Variants in CDH7 observed in about 807,000 individuals in gnomAD.
CDH7 encodes cadherin 7, also known as cadherin-7.
Under a neutral mutation model 71.8 loss-of-function variants are expected in CDH7, and 25 were observed. The observed-to-expected ratio is 0.35, with a 90% CI of 0.25 to 0.49. The LOEUF is 0.49. Ranked by LOEUF, CDH7 falls within the 20% of genes least tolerant of loss-of-function variation. CDH7 has a pLI of 0.99. For synonymous variants in CDH7, 381 were observed against 363.8 expected, an observed-to-expected ratio of 1.05 and a Z score of -0.54; for missense variants, 862 against 974.6, an observed-to-expected ratio of 0.88 and a Z score of 1.54.
At chr18:65,794,745 C>G (rs546865487) in intron 2 of CDH7, among the ~76,000 whole-genome samples, 228 of 152,140 alleles carry the variant, frequency 1.5e-3, no homozygotes, top group Admixed American at 4.1e-3. Flanking sequence ...TGGGCACACT[C>G]AGGGCGGTGT....
At chr18:65,836,636 A>G (rs1212765627) in intron 6 of CDH7, among the ~76,000 whole-genome samples, 1 of 152,016 alleles carries the variant, frequency 6.6e-6, no homozygotes, top group Non-Finnish European at 1.5e-5. Flanking sequence ...TGCAAGCTGC[A>G]AATGTTTGTT....
chr18:65,777,050 T>G (rs1412774571), intron 2 of CDH7, among the ~76,000 whole-genome samples: 1 of 152,140 alleles, frequency 6.6e-6, no homozygotes, highest in Non-Finnish European at 1.5e-5. Context: ...ATTGCCAGGC[T>G]TTTAGGAGCT....
chr18:65,863,629 T>G (rs1299699321), intron 11 of CDH7: 2 of 152,254 alleles, frequency 1.3e-5, no homozygotes, highest in Admixed American at 6.5e-5. Context: ...ATTCTACTTT[T>G]TAAAGAAATT....
Position 65,834,831 on chromosome 18 carries a change from A to G in CDH7, c.982-8981A>G, listed in dbSNP as rs552318504. ...TTATTTTGGTTCATTTTATCTGGAT[A>G]TGCTGCCATCACCTGACAAAAACTG... On this transcript the variant is annotated intron_variant, in intron 6 of 11. Coordinates refer to ENST00000397968, the MANE Select transcript of CDH7 (RefSeq NM_004361.5). 2.0e-5 allele frequency among the ~76,000 whole-genome samples: 3 copies of G among 152,328 alleles called. No individual in the cohort carries two copies. In the East Asian group the frequency reaches 5.8e-4, roughly 29 times the overall value.
At position 65,781,898 on chromosome 18, in the gene CDH7, C is replaced by CTCTTTCTCTCTT. The variant is rs1431797468; in HGVS notation, c.210+18849_210+18850insTTCTCTCTTTCT. Among the ~76,000 whole-genome samples the CTCTTTCTCTCTT allele has an allele frequency of 2.6e-4, 15 of 58,580 alleles. 3 individuals are homozygous for CTCTTTCTCTCTT. Among genetic ancestry groups the CTCTTTCTCTCTT allele is most frequent in the African/African-American group, 1.5e-3 (15 of 9,860 alleles). 38.4% of individuals were successfully genotyped at this position (58,580 alleles called of 152,430 possible). On this transcript the variant is annotated intron_variant, in intron 2 of 11. Transcript: ENST00000397968. The stretch of plus-strand genomic sequence containing the variant: ...TCTCTCTGTCTCTCTCTCTCTTTCT[C>CTCTTTCTCTCTT]TCTATCTTTCTCTCTTTCTCTCTTT...
chr18:65,838,818 T>TA (rs1377920378), intron 6 of CDH7, among the ~76,000 whole-genome samples: 1 of 152,214 alleles, frequency 6.6e-6, no homozygotes, highest in Non-Finnish European at 1.5e-5. Flanking sequence ...TCATATTTTT[T>TA]AATCCAACAA....
chr18:65,833,290 A>G (rs906485073), intron 6 of CDH7, among the ~76,000 whole-genome samples: 12 of 152,148 alleles, frequency 7.9e-5, no homozygotes, highest in Non-Finnish European at 1.2e-4. Flanking sequence ...ATTACTTGTA[A>G]TATTGAGGTC....
chr18:65,788,155 C>T (rs910944600), intron 2 of CDH7, among the ~76,000 whole-genome samples: 2 of 152,156 alleles, frequency 1.3e-5, no homozygotes. Context: ...AGGTGAACAA[C>T]TTATTAAACT....
intron 6 of CDH7, among the ~76,000 whole-genome samples, chr18:65,825,503 T>C (rs533167485): frequency 6.6e-5 from 10 of 151,994 alleles, no homozygotes; most frequent in Admixed American, 6.6e-4. Flanking sequence ...TTTAGAGATA[T>C]GACTTTTTAC....
intron 6 of CDH7, among the ~76,000 whole-genome samples, chr18:65,830,468 A>G (rs1912297119): frequency 1.3e-5 from 2 of 152,076 alleles, no homozygotes; most frequent in Admixed American, 6.5e-5. Context: ...ATGAATATCA[A>G]TATTTATTCA....
At chr18:65,774,699 C>G (rs1909871953) in intron 2 of CDH7, among the ~76,000 whole-genome samples, 1 of 151,996 alleles carries the variant, frequency 6.6e-6, no homozygotes, top group South Asian at 2.1e-4. Context: ...CCAGGATAGT[C>G]TAGTCCAGTG....
At chr18:65,822,675 G>A (rs1911979559) in intron 5 of CDH7, among the ~76,000 whole-genome samples, 1 of 151,870 alleles carries the variant, frequency 6.6e-6, no homozygotes, top group Admixed American at 6.6e-5. Context: ...TTAAAAAAGA[G>A]TAATAAATGT....
intron 7 of CDH7, among the ~76,000 whole-genome samples, chr18:65,847,671 A>G (rs1568217422): frequency 6.6e-6 from 1 of 152,132 alleles, no homozygotes; most frequent in African/African-American, 2.4e-5. Context: ...GGGCACCTAT[A>G]TGACTATTGG....
In CDH7 at chr18:65,792,213, A is replaced by T. The variant is rs546617053; in HGVS notation, c.211-17491A>T. Among the ~76,000 whole-genome samples the T allele has an allele frequency of 1.7e-4, 21 of 124,166 alleles. No individual in the cohort carries two copies. In the South Asian group the frequency reaches 4.8e-3, roughly 29 times the overall value. 81.5% of individuals were successfully genotyped at this position (124,166 alleles called of 152,430 possible). A position where few individuals can be genotyped will look rare whatever the true frequency, so the allele number is the denominator to read the frequency against. On this transcript the variant is annotated intron_variant, in intron 2 of 11. Coordinates refer to ENST00000397968, the MANE Select transcript of CDH7 (RefSeq NM_004361.5). ...TTTTTTTTTTTTTTTTTTTTTTTTA[A>T]GACTGACAAAATAGGGAAGACATCT...
chr18:65,769,875 C>T (rs768665771), intron 2 of CDH7, among the ~76,000 whole-genome samples: 8 of 152,130 alleles, frequency 5.3e-5, no homozygotes, highest in Non-Finnish European at 7.4e-5. Context: ...AGGATGTTGA[C>T]GTGACTCATT....
chr18:65,865,821 T>G (rs1296795148), intron 11 of CDH7: 1 of 152,170 alleles, frequency 6.6e-6, no homozygotes, highest in Non-Finnish European at 1.5e-5. Context: ...AAAATTGATT[T>G]CTAGTACACA....
At chr18:65,762,384 A>G (rs1006495106) in intron 1 of CDH7, among the ~76,000 whole-genome samples, 1 of 152,362 alleles carries the variant, frequency 6.6e-6, no homozygotes, top group Non-Finnish European at 1.5e-5. Context: ...AAAATGCCCT[A>G]GAAGAAAAGT....
chr18:65,838,278 G>A (rs1912605581), intron 6 of CDH7, among the ~76,000 whole-genome samples: 1 of 152,046 alleles, frequency 6.6e-6, no homozygotes, highest in Non-Finnish European at 1.5e-5. Context: ...CCATAGGTAT[G>A]GTCTCACTCA....
chr18:65,751,063 GC>G lies in CDH7; in HGVS notation c.-283del, dbSNP rs1185999822. 6.6e-6 allele frequency: 1 copy of G among 152,260 alleles called. No homozygotes were observed. The highest frequency in any genetic ancestry group is 1.5e-5 in the Non-Finnish European group (1 of 68,090). 9.4% of individuals were successfully genotyped at this position (152,260 alleles called of 1,614,324 possible). ...GCACTGGGTCCCCAAGAGCCCGCGGGCGTCCGGCAGCCGAGCGCACGTTCTT... is the reference window on the plus strand; with the variant it reads ...GCACTGGGTCCCCAAGAGCCCGCGGGGTCCGGCAGCCGAGCGCACGTTCTT... On this transcript the variant is annotated 5_prime_UTR_variant, in exon 1 of 12. Coordinates refer to ENST00000397968, the MANE Select transcript of CDH7 (RefSeq NM_004361.5).
Sources: gnomAD v4.1 joint callset for allele counts (sites outside exome capture counted in the v4.1 genomes callset) on GRCh38, gnomAD v4.1.1 for gene constraint, MANE v1.5 for transcripts, NCBI Gene and HGNC (gene_info 2026-07-23, HGNC 2026-07-21) for gene names.